Variants in DYM observed in about 807,000 individuals in gnomAD.
DYM encodes the protein dymeclin.
DYM carries 78 observed loss-of-function variants against 93.1 expected under a neutral mutation model. The ratio of observed to expected loss-of-function variants is 0.84; its 90% CI spans 0.70 to 1.01. The LOEUF (loss-of-function observed/expected upper bound fraction) is 1.01, where lower values mean the gene tolerates loss of function less well. Among genes scored for constraint, DYM ranks in the 50% least tolerant of loss-of-function variants. The pLI is 0.00. For missense variants in DYM, 789 were observed against 845.0 expected (o/e 0.93, Z 0.82); for synonymous variants, 321 against 319.7 (o/e 1.00, Z -0.04).
chr18:49,142,166 G>GT (rs2084585997), intron 15 of DYM, among the ~76,000 whole-genome samples: 1 of 151,778 alleles, frequency 6.6e-6, no homozygotes, highest in African/African-American at 2.4e-5. Flanking sequence ...TGGCCAATAT[G>GT]TTTTAAACAT....
intron 6 of DYM, among the ~76,000 whole-genome samples, chr18:49,360,147 A>G (rs2065894404): frequency 6.6e-6 from 1 of 152,104 alleles, no homozygotes. Context: ...CTTGCTCCTC[A>G]AGAGTGTTTA....
intron 8 of DYM, chr18:49,329,619 C>T (rs1003756258): frequency 4.6e-5 from 7 of 152,184 alleles, no homozygotes; most frequent in African/African-American, 1.2e-4. Flanking sequence ...CTCATCCAGC[C>T]GCAGTTCCAG....
chr18:49,263,142 G>A (rs2094516097), intron 11 of DYM, among the ~76,000 whole-genome samples: 1 of 151,066 alleles, frequency 6.6e-6, no homozygotes. Flanking sequence ...TTTTGAGTTG[G>A]AGCCTCACTC....
chr18:49,424,747 T>A (rs888683654), intron 2 of DYM, among the ~76,000 whole-genome samples: 1 of 152,022 alleles, frequency 6.6e-6, no homozygotes, highest in African/African-American at 2.4e-5. Flanking sequence ...TATACACCAA[T>A]AACAGACAAA....
chr18:49,275,050 C>T (rs1019336537), intron 10 of DYM, among the ~76,000 whole-genome samples: 2 of 152,024 alleles, frequency 1.3e-5, no homozygotes, highest in Non-Finnish European at 2.9e-5. Flanking sequence ...CAGTCATTTG[C>T]CAAATTCAAG....
At chr18:49,368,849 T>C (rs897712620) in intron 5 of DYM, 1 of 152,226 alleles carries the variant, frequency 6.6e-6, no homozygotes, top group Non-Finnish European at 1.5e-5. Context: ...CTGCTTGTGT[T>C]AGACAGGGGG....
intron 11 of DYM, among the ~76,000 whole-genome samples, chr18:49,270,139 T>G (rs916656081): frequency 6.6e-6 from 1 of 152,230 alleles, no homozygotes; most frequent in Non-Finnish European, 1.5e-5. Context: ...ATCTTGGCTG[T>G]GTAAGCACAC....
chr18:49,157,346 C>A (rs546198785), intron 15 of DYM, among the ~76,000 whole-genome samples: 1 of 152,336 alleles, frequency 6.6e-6, no homozygotes, highest in East Asian at 1.9e-4. Flanking sequence ...TGGTCCCAGA[C>A]TGTCTCTCCC....
chr18:49,233,567 A>G (rs1598804853), intron 13 of DYM, among the ~76,000 whole-genome samples: 2 of 152,076 alleles, frequency 1.3e-5, no homozygotes, highest in Admixed American at 1.3e-4. Context: ...CACTCCCACA[A>G]TGTAGTAGTT....
chr18:49,374,414 T>A (rs1010149897), intron 5 of DYM, among the ~76,000 whole-genome samples: 2 of 152,208 alleles, frequency 1.3e-5, no homozygotes, highest in South Asian at 4.1e-4. Context: ...TTATGTTCCT[T>A]TCCTACTTAG....
At chr18:49,093,179 G>A (rs1343998599) in intron 17 of DYM, 1 of 152,178 alleles carries the variant, frequency 6.6e-6, no homozygotes, top group Admixed American at 6.5e-5. Flanking sequence ...GTGAATCAGA[G>A]TGGGCTTCAT....
chr18:49,457,030 C>T (rs1354996254), intron 1 of DYM, among the ~76,000 whole-genome samples: 1 of 152,212 alleles, frequency 6.6e-6, no homozygotes, highest in African/African-American at 2.4e-5. Flanking sequence ...GATTAGTCCT[C>T]TCTCTGTCCG....
intron 13 of DYM, among the ~76,000 whole-genome samples, chr18:49,249,280 G>A (rs1211208193): frequency 6.6e-6 from 1 of 151,068 alleles, no homozygotes; most frequent in African/African-American, 2.5e-5. Context: ...ACTGAGGATG[G>A]CAGGTATAAA....
chr18:49,426,755 ATGTGTG>A (rs59381977), intron 2 of DYM, among the ~76,000 whole-genome samples: 10,181 of 147,710 alleles, frequency 0.069, 954 homozygotes, highest in African/African-American at 0.21. Flanking sequence ...ACTGGAAAAC[ATGTGTG>A]TGTGTGTGTG....
intron 8 of DYM, among the ~76,000 whole-genome samples, chr18:49,323,618 T>C (rs1199024405): frequency 6.6e-6 from 1 of 152,142 alleles, no homozygotes; most frequent in East Asian, 1.9e-4. Context: ...AGCAAGAAGG[T>C]GGACATCTGC....
At chr18:49,045,981 G>T (rs1344053466) in intron 17 of DYM, among the ~76,000 whole-genome samples, 1 of 152,158 alleles carries the variant, frequency 6.6e-6, no homozygotes, top group East Asian at 1.9e-4. Flanking sequence ...CAGGAGCCTA[G>T]TCCAGGGAAG....
At chr18:49,408,810 ATTG>A (rs1284219878) in intron 2 of DYM, among the ~76,000 whole-genome samples, 1 of 151,810 alleles carries the variant, frequency 6.6e-6, no homozygotes, top group Non-Finnish European at 1.5e-5. Context: ...CAGGCAATCA[ATTG>A]TTGTATTAAA....
At chr18:49,221,112 T>A (rs1397209127) in intron 13 of DYM, among the ~76,000 whole-genome samples, 1 of 152,086 alleles carries the variant, frequency 6.6e-6, no homozygotes, top group Non-Finnish European at 1.5e-5. Flanking sequence ...AACAGACACT[T>A]CTCAAAAGAA....
At chr18:49,426,885 C>T (rs1374429382) in intron 2 of DYM, among the ~76,000 whole-genome samples, 1 of 151,758 alleles carries the variant, frequency 6.6e-6, no homozygotes, top group Non-Finnish European at 1.5e-5. Flanking sequence ...CCAACCCCTT[C>T]CTGAAAATTG....
Sources: gnomAD v4.1 joint callset for allele counts (sites outside exome capture counted in the v4.1 genomes callset) on GRCh38, gnomAD v4.1.1 for gene constraint, MANE v1.5 for transcripts, NCBI Gene and HGNC (gene_info 2026-07-23, HGNC 2026-07-21) for gene names.